The following UNC13C variants were observed in gnomAD, a reference collection of about 807,000 sequenced individuals.
The protein encoded by UNC13C is unc-13 homolog C.
Under a neutral mutation model 245.4 loss-of-function variants are expected in UNC13C, and 174 were observed. That is an observed-to-expected ratio of 0.71 (90% CI 0.63 to 0.80). The LOEUF (loss-of-function observed/expected upper bound fraction) is 0.80. UNC13C is among the 30% of genes least tolerant of loss of function. The probability of loss-of-function intolerance (pLI) is 0.00; values close to 1 mark genes in which losing one functional copy is unlikely to be tolerated. For synonymous variants in UNC13C, 992 were observed against 895.1 expected, an observed-to-expected ratio of 1.11 and a Z score of -1.93; for missense variants, 2,829 against 2,602.9, an observed-to-expected ratio of 1.09 and a Z score of -1.89.
chr15:53,914,024 A>G, the UNC13C span: 3 of 151,254 alleles, frequency 2.0e-5, no homozygotes, highest in African/African-American at 4.9e-5. Context: ...AAGCTTATGT[A>G]TGTGATGGGC....
chr15:54,140,939 T>C (rs1486824453), intron 2 of UNC13C, among the ~76,000 whole-genome samples: 1 of 152,182 alleles, frequency 6.6e-6, no homozygotes, highest in Non-Finnish European at 1.5e-5. Context: ...GCCATAAATA[T>C]GTGTTCAGTG....
intron 4 of UNC13C, among the ~76,000 whole-genome samples, chr15:54,221,001 C>T (rs540071743): frequency 3.3e-5 from 5 of 152,092 alleles, no homozygotes; most frequent in African/African-American, 7.2e-5. Flanking sequence ...TTTTGGAAAA[C>T]GTCCCACACG....
At chr15:54,263,765 G>C (rs1209348543) in intron 8 of UNC13C, among the ~76,000 whole-genome samples, 3 of 152,072 alleles carry the variant, frequency 2.0e-5, no homozygotes, top group Non-Finnish European at 2.9e-5. Flanking sequence ...AGTGACATTT[G>C]CCACTTATAT....
At chr15:54,074,046 A>T (rs1334449212) in intron 2 of UNC13C, among the ~76,000 whole-genome samples, 1 of 152,102 alleles carries the variant, frequency 6.6e-6, no homozygotes, top group Admixed American at 6.5e-5. Flanking sequence ...ATCTTGAGTT[A>T]ATTTTTGTAT....
chr15:54,418,595 T>C lies in UNC13C; in HGVS notation c.4933+3528T>C, dbSNP rs545524747. Among the ~76,000 whole-genome samples the C allele has an allele frequency of 4.6e-5, 7 of 152,254 alleles. No homozygotes were observed. The South Asian group carries it at 1.5e-3, about 32-fold the overall frequency. On this transcript the variant is annotated intron_variant, in intron 19 of 32. Coordinates refer to ENST00000260323, the MANE Select transcript of UNC13C (RefSeq NM_001080534.3). ...CACTAAAGCATTTGGGGCATCCTGG[T>C]TATCCCTTCCAAAAGATCTGAAATC...
chr15:54,609,392 G>A (rs1195714148), intron 30 of UNC13C: 1 of 152,180 alleles, frequency 6.6e-6, no homozygotes, highest in African/African-American at 2.4e-5. Flanking sequence ...CATGATAGCT[G>A]CTTGGCGGGG....
chr15:54,411,418 T>A (rs1265777935), intron 18 of UNC13C, among the ~76,000 whole-genome samples: 2 of 152,228 alleles, frequency 1.3e-5, no homozygotes, highest in African/African-American at 4.8e-5. Context: ...TTGCCTAATA[T>A]AAGGTCATAA....
At chr15:54,258,827 A>G (rs1418947848) in intron 8 of UNC13C, among the ~76,000 whole-genome samples, 1 of 152,250 alleles carries the variant, frequency 6.6e-6, no homozygotes, top group East Asian at 1.9e-4. Flanking sequence ...TTTCAGATGA[A>G]GAAGCTAAAG....
chr15:54,149,548 A>T (rs1295235968), intron 4 of UNC13C, among the ~76,000 whole-genome samples: 4 of 152,158 alleles, frequency 2.6e-5, no homozygotes, highest in African/African-American at 9.7e-5. Context: ...AGTACCTTTT[A>T]CTTAGGCAAT....
intron 18 of UNC13C, among the ~76,000 whole-genome samples, chr15:54,408,070 G>A (rs1193800762): frequency 6.6e-5 from 10 of 151,236 alleles, no homozygotes; most frequent in Non-Finnish European, 1.0e-4. Flanking sequence ...GCATGGTGGC[G>A]GGCGCCTGTA....
chr15:54,448,945 C>A (rs1323490152), intron 19 of UNC13C, among the ~76,000 whole-genome samples: 1 of 152,158 alleles, frequency 6.6e-6, no homozygotes, highest in Non-Finnish European at 1.5e-5. Context: ...GTGCTTCCTT[C>A]AGGAGCTCTT....
At chr15:53,976,477 CTT>C (rs10682648), upstream of UNC13C, among the ~76,000 whole-genome samples, 7,808 of 62,374 alleles carry the variant, frequency 0.13, 436 homozygotes, top group African/African-American at 0.23. Context: ...CTCTCTCTCT[CTT>C]TTTTTTTTTT....
chr15:54,009,414 A>G (rs1025649595), intron 1 of UNC13C, among the ~76,000 whole-genome samples: 3 of 152,208 alleles, frequency 2.0e-5, no homozygotes, highest in Non-Finnish European at 4.4e-5. Context: ...TATCTTCTAG[A>G]CATTGCTCCA....
At chr15:54,116,921 C>G (rs544652175) in intron 2 of UNC13C, among the ~76,000 whole-genome samples, 7 of 152,212 alleles carry the variant, frequency 4.6e-5, no homozygotes, top group African/African-American at 1.7e-4. Context: ...TTCTCCATAT[C>G]CTTGCCAGCA....
intron 19 of UNC13C, among the ~76,000 whole-genome samples, chr15:54,442,175 G>T (rs544785126): frequency 6.7e-6 from 1 of 150,034 alleles, no homozygotes; most frequent in African/African-American, 2.4e-5. Flanking sequence ...TTTCTTGCCT[G>T]ATTGCTCTAG....
chr15:54,040,863 C>G (rs754939401), intron 2 of UNC13C, among the ~76,000 whole-genome samples: 4 of 152,190 alleles, frequency 2.6e-5, no homozygotes, highest in Non-Finnish European at 5.9e-5. Flanking sequence ...AATCCTCTAC[C>G]TCCTCCCAGT....
At chr15:54,617,559 G>A (rs1039120256) in intron 30 of UNC13C, among the ~76,000 whole-genome samples, 1 of 151,998 alleles carries the variant, frequency 6.6e-6, no homozygotes, top group African/African-American at 2.4e-5. Context: ...TATACCTGAA[G>A]CACTTAGCAC....
intron 2 of UNC13C, among the ~76,000 whole-genome samples, chr15:54,033,434 T>A (rs889770359): frequency 2.0e-5 from 3 of 152,188 alleles, no homozygotes; most frequent in Non-Finnish European, 4.4e-5. Context: ...TTGACTTATC[T>A]TATTGTCGTG....
rs74016059 is a variant in UNC13C, at chr15:54,051,217, T to A, written c.2983+35331T>A. Reference sequence around the variant, plus strand: ...AGGTTATAAAGGAATGGATCCAACTTTTTTTTCTAATATTTTTATAACTTC... The same window carrying A: ...AGGTTATAAAGGAATGGATCCAACTATTTTTTCTAATATTTTTATAACTTC... On this transcript the variant is annotated intron_variant, in intron 2 of 32. Transcript: ENST00000260323. Among the ~76,000 whole-genome samples, 185 of 152,236 alleles carry A rather than the reference T, an allele frequency of 1.2e-3. 1 individual carries two copies. The highest frequency in any genetic ancestry group is 4.3e-3 in the African/African-American group (177 of 41,538).
Sources: gnomAD v4.1 joint callset for allele counts (sites outside exome capture counted in the v4.1 genomes callset) on GRCh38, gnomAD v4.1.1 for gene constraint, MANE v1.5 for transcripts, NCBI Gene and HGNC (gene_info 2026-07-23, HGNC 2026-07-21) for gene names.